TUSC3: variants seen among roughly 807,000 people sequenced by gnomAD.
TUSC3 encodes the protein tumor suppressor candidate 3.
A neutral mutation model predicts 44.8 loss-of-function variants in TUSC3; 45 were observed. The observed-to-expected ratio is 1.00, with a 90% CI of 0.79 to 1.29. The LOEUF is 1.29. TUSC3 is among the 50% of genes most tolerant of loss of function. TUSC3 has a pLI of 0.00. For synonymous variants in TUSC3, 212 were observed against 152.9 expected (o/e 1.39, Z -2.85); for missense variants, 519 against 437.9 (o/e 1.19, Z -1.65).
At chr8:15,418,146 A>G (rs527762292) in intron 1 of TUSC3, among the ~76,000 whole-genome samples, 2 of 152,316 alleles carry the variant, frequency 1.3e-5, no homozygotes, top group South Asian at 2.1e-4. Context: ...CTCATCAACA[A>G]CAGTCATTGA....
intron 7 of TUSC3, among the ~76,000 whole-genome samples, chr8:15,734,466 AT>A (rs1265394699): frequency 6.6e-6 from 1 of 152,202 alleles, no homozygotes; most frequent in Non-Finnish European, 1.5e-5. Context: ...GAAACATTAT[AT>A]TTTAATATGG....
intron 2 of TUSC3, among the ~76,000 whole-genome samples, chr8:15,649,636 GT>G (rs756390098): frequency 6.6e-6 from 1 of 150,546 alleles, no homozygotes; most frequent in African/African-American, 2.4e-5. Flanking sequence ...TTAGCTTCAT[GT>G]TTTTTTTAAA....
At chr8:15,612,415 A>G (rs1160105897) in intron 1 of TUSC3, among the ~76,000 whole-genome samples, 1 of 152,318 alleles carries the variant, frequency 6.6e-6, no homozygotes, top group Admixed American at 6.5e-5. Flanking sequence ...TCACTTTGGA[A>G]TGAACCATTG....
chr8:15,823,291 C>G, the TUSC3 span, among the ~76,000 whole-genome samples: 2 of 152,036 alleles, frequency 1.3e-5, no homozygotes, highest in Non-Finnish European at 2.9e-5. Flanking sequence ...CCAAATTTGT[C>G]GTTTTCATTA....
chr8:15,843,729 G>A, the TUSC3 span, among the ~76,000 whole-genome samples: 1 of 151,768 alleles, frequency 6.6e-6, no homozygotes, highest in Non-Finnish European at 1.5e-5. Context: ...GTATGTGTGT[G>A]TTTGTGTATG....
intron 1 of TUSC3, among the ~76,000 whole-genome samples, chr8:15,576,244 T>A (rs1399367775): frequency 1.9e-5 from 1 of 52,376 alleles, no homozygotes; most frequent in Non-Finnish European, 3.8e-5. Flanking sequence ...AATCCTCTGC[T>A]TTTTCTTTCT....
chr8:15,696,672 T>TA (rs1424975951), intron 6 of TUSC3, among the ~76,000 whole-genome samples: 1 of 152,224 alleles, frequency 6.6e-6, no homozygotes, highest in Non-Finnish European at 1.5e-5. Context: ...ATCTGTTTGA[T>TA]ACGTTGTTGG....
chr8:15,689,627 G>A (rs1298102825), intron 6 of TUSC3: 1 of 154,786 alleles, frequency 6.5e-6, no homozygotes, highest in East Asian at 1.9e-4. Context: ...GGCTGTGGTA[G>A]TGTCTGGGAG....
chr8:15,798,557 T>G, the TUSC3 span, among the ~76,000 whole-genome samples: 2 of 152,076 alleles, frequency 1.3e-5, 1 homozygote, highest in African/African-American at 4.8e-5. Context: ...GACTTCACAT[T>G]TACCTTCAGT....
At chr8:15,840,104 A>T in the TUSC3 span, among the ~76,000 whole-genome samples, 1 of 152,188 alleles carries the variant, frequency 6.6e-6, no homozygotes, top group African/African-American at 2.4e-5. Context: ...GGAAACCATC[A>T]TTCTCAGCAA....
intron 1 of TUSC3, among the ~76,000 whole-genome samples, chr8:15,621,648 T>C (rs1805251321): frequency 6.7e-6 from 1 of 148,354 alleles, no homozygotes; most frequent in Non-Finnish European, 1.5e-5. Flanking sequence ...TCTATATAGA[T>C]AAATCTATAG....
At chr8:15,635,224 G>C (rs957272998) in intron 2 of TUSC3, among the ~76,000 whole-genome samples, 2 of 152,128 alleles carry the variant, frequency 1.3e-5, no homozygotes, top group Non-Finnish European at 2.9e-5. Flanking sequence ...CTCTTGTATT[G>C]ATCATTTCTT....
At chr8:15,609,454 C>G (rs1045855688) in intron 1 of TUSC3, among the ~76,000 whole-genome samples, 1 of 152,066 alleles carries the variant, frequency 6.6e-6, no homozygotes, top group Non-Finnish European at 1.5e-5. Flanking sequence ...AACAGCTGCT[C>G]TCATTTCTTA....
At chr8:15,528,584 A>T (rs1315843785) in intron 2 of TUSC3, among the ~76,000 whole-genome samples, 1 of 152,172 alleles carries the variant, frequency 6.6e-6, no homozygotes, top group Non-Finnish European at 1.5e-5. Flanking sequence ...AAGGATAGCA[A>T]AATTATCTCT....
At chr8:15,445,631 G>C (rs2129119186) in intron 1 of TUSC3, among the ~76,000 whole-genome samples, 1 of 152,290 alleles carries the variant, frequency 6.6e-6, no homozygotes, top group East Asian at 1.9e-4. Flanking sequence ...CACTGGGTTG[G>C]GGGTAAGGTT....
chr8:15,773,426 A>G, the TUSC3 span, among the ~76,000 whole-genome samples: 1 of 151,944 alleles, frequency 6.6e-6, no homozygotes, highest in Non-Finnish European at 1.5e-5. Context: ...AAAATACAAA[A>G]CATTGCTGAA....
At chr8:15,733,035 G>C (rs1397434756) in intron 7 of TUSC3, among the ~76,000 whole-genome samples, 1 of 152,076 alleles carries the variant, frequency 6.6e-6, no homozygotes, top group African/African-American at 2.4e-5. Context: ...GACTGGAACT[G>C]GAAATACAAA....
chr8:15,445,987 G>A (rs972027550), intron 1 of TUSC3, among the ~76,000 whole-genome samples: 6 of 151,350 alleles, frequency 4.0e-5, no homozygotes, highest in South Asian at 4.2e-4. Context: ...GCTGCCCGGC[G>A]GAGACGCTCC....
chr8:15,622,291 T>C (rs1028293328), intron 1 of TUSC3, among the ~76,000 whole-genome samples: 8 of 152,026 alleles, frequency 5.3e-5, no homozygotes, highest in African/African-American at 9.7e-5. Context: ...CCTTTTTTTT[T>C]CCTTCCTTTC....
Sources: gnomAD v4.1 joint callset for allele counts (sites outside exome capture counted in the v4.1 genomes callset) on GRCh38, gnomAD v4.1.1 for gene constraint, MANE v1.5 for transcripts, NCBI Gene and HGNC (gene_info 2026-07-23, HGNC 2026-07-21) for gene names.